SEMA5A: variants seen among roughly 807,000 people sequenced by gnomAD.
The protein encoded by SEMA5A is semaphorin-5A.
Under a neutral mutation model 135.5 loss-of-function variants are expected in SEMA5A, and 55 were observed. That is an observed-to-expected ratio of 0.41 (90% CI 0.33 to 0.51). The LOEUF (loss-of-function observed/expected upper bound fraction) is 0.51. Ranked by LOEUF, SEMA5A falls within the 20% of genes least tolerant of loss-of-function variation. The pLI is 0.37. For synonymous variants in SEMA5A, 580 were observed against 546.5 expected, an observed-to-expected ratio of 1.06 and a Z score of -0.85; for missense variants, 1,290 against 1,419.9, an observed-to-expected ratio of 0.91 and a Z score of 1.47.
At chr5:9,277,260 A>G (rs1464960586) in intron 5 of SEMA5A, among the ~76,000 whole-genome samples, 2 of 152,216 alleles carry the variant, frequency 1.3e-5, no homozygotes, top group African/African-American at 4.8e-5. Context: ...CAAAACCACA[A>G]TGAGATAACA....
At chr5:9,447,174 T>G (rs1758463126) in intron 1 of SEMA5A, among the ~76,000 whole-genome samples, 1 of 152,254 alleles carries the variant, frequency 6.6e-6, no homozygotes, top group South Asian at 2.1e-4. Flanking sequence ...TGAAAGGATG[T>G]GCTCCTTCAA....
At chr5:9,342,325 G>T (rs1753688153) in intron 3 of SEMA5A, among the ~76,000 whole-genome samples, 1 of 152,150 alleles carries the variant, frequency 6.6e-6, no homozygotes, top group South Asian at 2.1e-4. Flanking sequence ...AGCGCCAACT[G>T]TCCAGAAACC....
intron 5 of SEMA5A, among the ~76,000 whole-genome samples, chr5:9,246,608 C>T (rs3797963): frequency 6.6e-6 from 1 of 152,114 alleles, no homozygotes; most frequent in East Asian, 1.9e-4. Flanking sequence ...TAGAGATATT[C>T]CAAAAGGAAT....
intron 10 of SEMA5A, among the ~76,000 whole-genome samples, chr5:9,193,037 G>T (rs761284175): frequency 6.6e-6 from 1 of 152,108 alleles, no homozygotes; most frequent in African/African-American, 2.4e-5. Flanking sequence ...TATATCGCCT[G>T]TATCAATCTT....
intron 8 of SEMA5A, among the ~76,000 whole-genome samples, chr5:9,223,853 G>A (rs749692835): frequency 1.3e-5 from 2 of 152,270 alleles, no homozygotes; most frequent in Admixed American, 6.5e-5. Flanking sequence ...TGTACACAGC[G>A]AACCTCAATT....
chr5:9,305,530 T>A (rs1215860949), intron 5 of SEMA5A, among the ~76,000 whole-genome samples: 1 of 151,932 alleles, frequency 6.6e-6, no homozygotes, highest in Non-Finnish European at 1.5e-5. Flanking sequence ...CTGGGTGGGA[T>A]TTTTTTGTAT....
At chr5:9,356,814 A>C (rs1292649880) in intron 3 of SEMA5A, among the ~76,000 whole-genome samples, 1 of 152,204 alleles carries the variant, frequency 6.6e-6, no homozygotes, top group African/African-American at 2.4e-5. Context: ...TGACCCATCA[A>C]ATAAAGCAGT....
intron 1 of SEMA5A, among the ~76,000 whole-genome samples, chr5:9,477,366 C>A (rs1187915048): frequency 6.6e-6 from 1 of 152,176 alleles, no homozygotes; most frequent in Non-Finnish European, 1.5e-5. Context: ...TGGAAGCAAC[C>A]TTTGAACTGC....
chr5:9,510,987 G>C (rs564686094), intron 1 of SEMA5A, among the ~76,000 whole-genome samples: 1 of 152,222 alleles, frequency 6.6e-6, no homozygotes, highest in South Asian at 2.1e-4. Flanking sequence ...TGTTGTCTTA[G>C]GCCATTCAAA....
rs771402997 is a variant in SEMA5A at position 9,066,406 on chromosome 5, G to A, written c.2299+15C>T. The A allele has an allele frequency of 9.3e-6, 15 of 1,611,768 alleles. No individual in the cohort carries two copies. Among genetic ancestry groups the A allele is most frequent in the African/African-American group, 2.7e-5 (2 of 74,862 alleles). On this transcript the variant is annotated intron_variant, in intron 17 of 22. Transcript: ENST00000382496. ...TCCATGGAAGTGGGTCAGTCCCCACGGAATCACTACTCACCATCTGTGGAG... is the reference window on the plus strand; with the variant it reads ...TCCATGGAAGTGGGTCAGTCCCCACAGAATCACTACTCACCATCTGTGGAG...
At chr5:9,052,615 G>C (rs546407296) in intron 19 of SEMA5A, among the ~76,000 whole-genome samples, 1 of 152,234 alleles carries the variant, frequency 6.6e-6, no homozygotes, top group South Asian at 2.1e-4. Flanking sequence ...CCTTGATGTA[G>C]AATTCATCTT....
intron 5 of SEMA5A, among the ~76,000 whole-genome samples, chr5:9,283,405 T>C (rs980091195): frequency 4.6e-5 from 7 of 152,170 alleles, no homozygotes; most frequent in African/African-American, 1.7e-4. Flanking sequence ...GTCTGCCCTG[T>C]GGTTCTCTCC....
chr5:9,131,375 G>T (rs191644013), intron 13 of SEMA5A, among the ~76,000 whole-genome samples: 7 of 152,074 alleles, frequency 4.6e-5, no homozygotes, highest in African/African-American at 1.7e-4. Context: ...TTGGGAGGCC[G>T]AGGCGGGTGG....
chr5:9,392,630 T>C (rs2126533747), intron 2 of SEMA5A, among the ~76,000 whole-genome samples: 1 of 152,288 alleles, frequency 6.6e-6, no homozygotes, highest in Admixed American at 6.5e-5. Flanking sequence ...TGATAGTCAG[T>C]TGATGTCCTT....
At chr5:9,437,549 A>C (rs764379688) in intron 2 of SEMA5A, among the ~76,000 whole-genome samples, 2 of 151,762 alleles carry the variant, frequency 1.3e-5, no homozygotes, top group African/African-American at 2.4e-5. Context: ...TAGAGATAGA[A>C]TTTCACCATG....
chr5:9,533,505 T>C (rs1400307382), intron 1 of SEMA5A, among the ~76,000 whole-genome samples: 1 of 152,250 alleles, frequency 6.6e-6, no homozygotes, highest in Non-Finnish European at 1.5e-5. Context: ...AATATTCATC[T>C]AAAATATTCA....
chr5:9,397,744 T>G (rs1756468495), intron 2 of SEMA5A, among the ~76,000 whole-genome samples: 1 of 152,238 alleles, frequency 6.6e-6, no homozygotes, highest in Non-Finnish European at 1.5e-5. Context: ...AAGCGCTGTC[T>G]CTAATTCACA....
chr5:9,122,183 T>C (rs145301664), intron 14 of SEMA5A, among the ~76,000 whole-genome samples: 4 of 152,286 alleles, frequency 2.6e-5, no homozygotes, highest in African/African-American at 9.6e-5. Context: ...TTCAATAGGT[T>C]ATCTTATTTA....
At position 9,044,476 on chromosome 5, in the gene SEMA5A, T is replaced by A; in HGVS notation, c.3002A>T (p.His1001Leu). 1 of 1,613,856 alleles carries A rather than the reference T, an allele frequency of 6.2e-7. No homozygotes were observed. Among genetic ancestry groups the A allele is most frequent in the Non-Finnish European group, 8.5e-7 (1 of 1,179,962 alleles). The change falls in exon 22 of 23, where the codon CAC becomes CTC. Residue 1001 changes from histidine to leucine, a missense_variant. Physicochemically the swap from His to Leu is moderately conservative, Grantham distance 99. This residue lies in a region of SEMA5A where 1,029 missense variants were observed against 1,086.6 expected (regional missense o/e 0.95). Coordinates refer to ENST00000382496, the MANE Select transcript of SEMA5A (RefSeq NM_003966.3). ...GACGGGGTGGATGACAGTCGCATCG[T>A]GGGATTGCTGCTGGTACCGCTGGCA... is the stretch of plus-strand genomic sequence containing the variant. ...TYCQRYQQQS[H>L]DATVIHPVSP...
Sources: gnomAD v4.1 joint callset for allele counts (sites outside exome capture counted in the v4.1 genomes callset) on GRCh38, gnomAD v4.1.1 for gene constraint, gnomAD v4.1.1 regional missense constraint, MANE v1.5 for transcripts, NCBI Gene and HGNC (gene_info 2026-07-23, HGNC 2026-07-21) for gene names.